The following TRAF7 variants were observed in gnomAD, a reference collection of about 807,000 sequenced individuals.
TRAF7 encodes the protein E3 ubiquitin-protein ligase TRAF7.
A neutral mutation model predicts 89.3 loss-of-function variants in TRAF7; 45 were observed. The ratio of observed to expected loss-of-function variants is 0.50; its 90% confidence interval spans 0.40 to 0.65. TRAF7 has a LOEUF of 0.65. Among genes scored for constraint, TRAF7 ranks in the 30% least tolerant of loss-of-function variants. The pLI, the probability that TRAF7 is intolerant of heterozygous loss-of-function variation, is 0.00. For synonymous variants in TRAF7, 406 were observed against 369.2 expected (o/e 1.10, Z -1.14); for missense variants, 677 against 918.1 (o/e 0.74, Z 3.39).
At chr16:2,165,751 G>T in intron 2 of TRAF7, 128 bp from the exon 3 acceptor site, 1 of 1,043,670 alleles carries the variant, frequency 9.6e-7, no homozygotes, top group East Asian at 2.5e-5. Flanking sequence ...TGGCCTGGTC[G>T]CATGGTTAAG....
Position 2,177,393 on chromosome 16 carries a change from C to G in TRAF7, c.*819C>G, listed in dbSNP as rs1448016289. 4 of 233,184 alleles carry G rather than the reference C, an allele frequency of 1.7e-5. No homozygotes were observed. The highest frequency in any genetic ancestry group is 4.4e-5 in the African/African-American group (2 of 45,274). 14.4% of individuals were successfully genotyped at this position (233,184 alleles called of 1,614,324 possible). A position where few individuals can be genotyped will look rare whatever the true frequency, so the allele number is the denominator to read the frequency against. On this transcript the variant is annotated 3_prime_UTR_variant, in exon 21 of 21. Coordinates refer to ENST00000326181, the MANE Select transcript of TRAF7 (RefSeq NM_032271.3). ...GCCAGCCGCCTCCACCCGCCCCACA[C>G]CACAATCGCTGGTTTTCGGCATTTT...
Position 2,175,333 on chromosome 16 carries a change from C to T in TRAF7, c.1419C>T (p.Asn473=). 1 of 1,613,544 alleles carries T rather than the reference C, an allele frequency of 6.2e-7. No individual in the cohort carries two copies. Among genetic ancestry groups the T allele is most frequent in the Non-Finnish European group, 8.5e-7 (1 of 1,179,998 alleles). Residue 473 remains asparagine, a synonymous_variant, in exon 16 of 21, where the codon AAC becomes AAT. Transcript: ENST00000326181. ...ACATCCAGAACCTGCAGAAGGTGAACACCATCCGGGCCCATGACAACCCGG... is the reference window on the plus strand; with the variant it reads ...ACATCCAGAACCTGCAGAAGGTGAATACCATCCGGGCCCATGACAACCCGG... ...VWDIQNLQKV[N]TIRAHDNPVC...
At chr16:2,167,299 G>T (rs548445041) in intron 3 of TRAF7, among the ~76,000 whole-genome samples, 1 of 152,144 alleles carries the variant, frequency 6.6e-6, no homozygotes, top group Non-Finnish European at 1.5e-5. Flanking sequence ...TGGGGAAACC[G>T]AGGCCCAGTC....
rs1359531371 is a variant in TRAF7 at position 2,158,306 on chromosome 16, C to T, written c.-39+2448C>T. On this transcript the variant is annotated intron_variant, in intron 1 of 20. Transcript: ENST00000326181. The surrounding 1 kb of genome is among the most constrained non-coding windows in gnomAD (Gnocchi z 4.7). ...TAGTCTTTGACAGATCCGCTGCTGT[C>T]CCCAGCCTTGCTCCCTGGAGGAGGA... Among the ~76,000 whole-genome samples, 2 of 152,210 alleles carry T rather than the reference C, an allele frequency of 1.3e-5. No individual in the cohort carries two copies. Among genetic ancestry groups the T allele is most frequent in the African/African-American group, 4.8e-5 (2 of 41,456 alleles).
chr16:2,161,622 A>G lies in TRAF7; in HGVS notation c.-38-2261A>G, dbSNP rs1438210795. 6.6e-6 allele frequency among the ~76,000 whole-genome samples: 1 copy of G among 152,074 alleles called. No individual in the cohort carries two copies. The highest frequency in any genetic ancestry group is 1.9e-4 in the East Asian group (1 of 5,152). On this transcript the variant is annotated intron_variant, in intron 1 of 20. Transcript: ENST00000326181. The surrounding 1 kb of genome is among the most constrained non-coding windows in gnomAD (Gnocchi z 5.2). ...TGTAAAATGCAGGTCAGTGTCTCCT[A>G]GTGGCTGCCCGGTGATCCCCTCCCT... is the stretch of plus-strand genomic sequence containing the variant.
chr16:2,161,907 T>G lies in TRAF7; in HGVS notation c.-38-1976T>G, dbSNP rs2093059693. 6.6e-6 allele frequency among the ~76,000 whole-genome samples: 1 copy of G among 152,102 alleles called. No individual in the cohort carries two copies. The highest frequency in any genetic ancestry group is 1.5e-5 in the Non-Finnish European group (1 of 67,992). On this transcript the variant is annotated intron_variant, in intron 1 of 20. Coordinates refer to ENST00000326181, the MANE Select transcript of TRAF7 (RefSeq NM_032271.3). The surrounding 1 kb of genome is among the most constrained non-coding windows in gnomAD (Gnocchi z 5.2). The stretch of plus-strand genomic sequence containing the variant: ...ACCACACCTCTGTCCCAGGGCTGAC[T>G]CCTCTGAGCCTGGCTGCAGGTGTGT...
Position 2,173,788 on chromosome 16 carries a change from G to A in TRAF7, c.1087G>A (p.Asp363Asn), listed in dbSNP as rs1475396696. 6.2e-7 allele frequency: 1 copy of A among 1,610,268 alleles called. No homozygotes were observed. Among genetic ancestry groups the A allele is most frequent in the Non-Finnish European group, 8.5e-7 (1 of 1,179,798 alleles). Residue 363 changes from aspartate to asparagine, a missense_variant and splice_region_variant, in exon 12 of 21, where the codon GAC (aspartate) becomes AAC (asparagine). Transcript: ENST00000326181. ...CTCTGCCCTGCCCTTGGCCCTGCAG[G>A]ACGAGCTGTCCCACATCAACGCGCG... The part of the protein sequence containing the change: ...EFRRDASMLN[D>N]ELSHINARLN...
At chr16:2,157,596 T>C (rs572914366) in intron 1 of TRAF7, among the ~76,000 whole-genome samples, 4 of 152,116 alleles carry the variant, frequency 2.6e-5, no homozygotes, top group African/African-American at 9.7e-5. Flanking sequence ...CCCTCCCGCA[T>C]GGGGCCTGGC....
rs549009069 is a variant in TRAF7, at chr16:2,164,134, G to C, written c.81+133G>C. On this transcript the variant is annotated intron_variant, in intron 2 of 20. Transcript: ENST00000326181. ...GTCTCAGGGGAGCTCGGTGGGGGGG[G>C]GTGTGGTGTGTGTGTGTGTGTGTGT... The C allele has an allele frequency of 5.6e-6, 4 of 711,892 alleles. No individual in the cohort carries two copies. In the East Asian group the frequency reaches 8.3e-5, roughly 15 times the overall value. 44.1% of individuals were successfully genotyped at this position (711,892 alleles called of 1,614,324 possible). A position where few individuals can be genotyped will look rare whatever the true frequency, so the allele number is the denominator to read the frequency against.
At chr16:2,164,513 G>A (rs1484412939) in intron 2 of TRAF7, among the ~76,000 whole-genome samples, 2 of 141,188 alleles carry the variant, frequency 1.4e-5, no homozygotes, top group African/African-American at 2.7e-5. Flanking sequence ...ACGTGGCCTG[G>A]CCTGGTCGCA....
At chr16:2,170,298 A>ACGGGAAG (rs533703924) in intron 4 of TRAF7, among the ~76,000 whole-genome samples, 1 of 152,076 alleles carries the variant, frequency 6.6e-6, no homozygotes, top group Non-Finnish European at 1.5e-5. Flanking sequence ...ACATTCCCCC[A>ACGGGAAG]CGGGAAGCAG....
intron 4 of TRAF7, among the ~76,000 whole-genome samples, chr16:2,170,240 G>A (rs779377574): frequency 2.4e-4 from 37 of 152,206 alleles, no homozygotes; most frequent in Non-Finnish European, 3.5e-4. Flanking sequence ...CTGCGGTCAC[G>A]GCCTCGGCTG....
In TRAF7 at chr16:2,173,329, C is replaced by T. The variant is rs2093121542; in HGVS notation, c.942C>T (p.Phe314=). ...CCCAGAAGGACCAGGAGATCGCCTT[C>T]CTGCGCTCCATGCTGGGAAAGCTCT... is the stretch of plus-strand genomic sequence containing the variant. The part of the protein sequence containing the change: ...ALAQKDQEIA[F]LRSMLGKLSE... The change falls in exon 10 of 21, where the codon TTC becomes TTT. Residue 314 remains phenylalanine (F), a synonymous_variant. Transcript: ENST00000326181. 5 of 1,613,528 alleles carry T rather than the reference C, an allele frequency of 3.1e-6. No individual in the cohort carries two copies. Among genetic ancestry groups the T allele is most frequent in the Admixed American group, 1.7e-5 (1 of 60,000 alleles).
rs2093059920 is a variant in TRAF7 at position 2,161,987 on chromosome 16, A to C, written c.-38-1896A>C. On this transcript the variant is annotated intron_variant, in intron 1 of 20. Coordinates refer to ENST00000326181, the MANE Select transcript of TRAF7 (RefSeq NM_032271.3). This position sits in a 1 kb window ranked among gnomAD's most constrained non-coding sequence, Gnocchi z 5.2. ...TCTTCCACAAGAGAAGTCCCCCGAG[A>C]GCCTAGTCTGGGTCACACAGGGCCA... 6.6e-6 allele frequency among the ~76,000 whole-genome samples: 1 copy of C among 152,056 alleles called. No individual in the cohort carries two copies. Among genetic ancestry groups the C allele is most frequent in the South Asian group, 2.1e-4 (1 of 4,826 alleles).
rs568815618 is a variant in TRAF7 at position 2,161,943 on chromosome 16, A to C, written c.-38-1940A>C. 6.6e-6 allele frequency among the ~76,000 whole-genome samples: 1 copy of C among 152,244 alleles called. No homozygotes were observed. The highest frequency in any genetic ancestry group is 1.5e-5 in the Non-Finnish European group (1 of 68,004). On this transcript the variant is annotated intron_variant, in intron 1 of 20. Transcript: ENST00000326181. The surrounding 1 kb of genome is among the most constrained non-coding windows in gnomAD (Gnocchi z 5.2). ...TGGCTGCAGGTGTGTGGCACTGCCC[A>C]CACTCAGGAGCCCCTGCCTCTTCCA...
In TRAF7 at chr16:2,171,364, C is replaced by T. The variant is rs376770649; in HGVS notation, c.441+8C>T. 53 of 1,547,130 alleles carry T rather than the reference C, an allele frequency of 3.4e-5. No homozygotes were observed. Among genetic ancestry groups the T allele is most frequent in the African/African-American group, 1.4e-4 (10 of 73,126 alleles). On this transcript the variant is annotated splice_region_variant and intron_variant, in intron 6 of 20. Transcript: ENST00000326181. Reference sequence around the variant, plus strand: ...GTGATCACCACGTGTGGGGTGAGCCCGCCGCCCTTCCCAGCCCCCCTGCTG... The same window carrying T: ...GTGATCACCACGTGTGGGGTGAGCCTGCCGCCCTTCCCAGCCCCCCTGCTG...
In TRAF7 at chr16:2,161,716, C is replaced by G. The variant is rs2093059065; in HGVS notation, c.-38-2167C>G. Among the ~76,000 whole-genome samples the G allele has an allele frequency of 6.6e-6, 1 of 152,210 alleles. No homozygotes were observed. Among genetic ancestry groups the G allele is most frequent in the Non-Finnish European group, 1.5e-5 (1 of 68,032 alleles). On this transcript the variant is annotated intron_variant, in intron 1 of 20. Transcript: ENST00000326181. This position sits in a 1 kb window ranked among gnomAD's most constrained non-coding sequence, Gnocchi z 5.2. ...GAACCTCCTGTGCCGAGTCATGGCG[C>G]CCTGCACTTCAGGCTATCAGGGCCT...
At position 2,163,876 on chromosome 16, in the gene TRAF7, C is replaced by T. The variant is rs377662973; in HGVS notation, c.-38-7C>T. The T allele has an allele frequency of 1.1e-4, 172 of 1,562,978 alleles. No homozygotes were observed. Among genetic ancestry groups the T allele is most frequent in the Admixed American group, 1.4e-4 (8 of 57,874 alleles). On this transcript the variant is annotated splice_polypyrimidine_tract_variant and splice_region_variant and intron_variant, in intron 1 of 20. Transcript: ENST00000326181. The surrounding 1 kb of genome is among the most constrained non-coding windows in gnomAD (Gnocchi z 4.3). ...TCTCAAGCCCCTCATTTGTGCTCCA[C>T]CCACAGGAGGTGCTTCCCAAGGACC...
At chr16:2,175,270 G>GCCCTGAGGCTGCCGGTCCTTC in intron 15 of TRAF7, 31 bp from the exon 16 acceptor site, 1 of 1,612,594 alleles carries the variant, frequency 6.2e-7, no homozygotes, top group East Asian at 2.2e-5. Flanking sequence ...AGGGCTTGGT[G>GCCCTGAGGCTGCCGGTCCTTC]CCCTGAGGCT....
Sources: gnomAD v4.1 joint callset for allele counts (sites outside exome capture counted in the v4.1 genomes callset) on GRCh38, gnomAD v4.1.1 for gene constraint, Gnocchi (gnomAD v3.1) non-coding constraint, MANE v1.5 for transcripts, NCBI Gene and HGNC (gene_info 2026-07-23, HGNC 2026-07-21) for gene names.